The following INCENP variants were observed in gnomAD, a reference collection of about 807,000 sequenced individuals.
The protein encoded by INCENP is inner centromere protein.
Under a neutral mutation model 107.3 loss-of-function variants are expected in INCENP, and 43 were observed. That is an observed-to-expected ratio of 0.40 (90% CI 0.31 to 0.52). The LOEUF is 0.52. INCENP is among the 20% of genes least tolerant of loss of function. The pLI, the probability that INCENP is intolerant of heterozygous loss-of-function variation, is 0.53. For missense variants in INCENP, 1,089 were observed against 1,250.9 expected (o/e 0.87, Z 1.95); for synonymous variants, 488 against 494.4 (o/e 0.99, Z 0.17).
intron 1 of INCENP, 36 bp from the exon 2 acceptor site, chr11:62,128,115 C>A (rs1391785174): frequency 6.2e-7 from 1 of 1,611,088 alleles, no homozygotes; most frequent in Non-Finnish European, 8.5e-7. Flanking sequence ...CTACCCTGGG[C>A]CCCTAACTTG....
intron 4 of INCENP, among the ~76,000 whole-genome samples, chr11:62,132,069 G>A (rs1943905632): frequency 6.6e-6 from 1 of 152,206 alleles, no homozygotes; most frequent in South Asian, 2.1e-4. Context: ...GATTACAAGT[G>A]TGAGCTACTG....
At chr11:62,149,670 C>A (rs1305124458) in intron 17 of INCENP, among the ~76,000 whole-genome samples, 1 of 151,946 alleles carries the variant, frequency 6.6e-6, no homozygotes, top group Non-Finnish European at 1.5e-5. Context: ...GCCTGTAATC[C>A]CAGCATATTG....
rs1675126 is a variant in INCENP, at chr11:62,138,902, T to C, written c.1188T>C (p.Asn396=). The change falls in exon 7 of 19, where the codon AAT becomes AAC. Residue 396 remains asparagine, a synonymous_variant. Coordinates refer to ENST00000394818, the MANE Select transcript of INCENP (RefSeq NM_001040694.2). ...AAAEPEVPEN[N]GNNSWPHNDT... ...TCTTTCCACAGGTCCCTGAGAACAA[T>C]GGAAATAACTCGTGGCCCCACAATG... The C allele has an allele frequency of 0.89, 1,428,367 of 1,613,082 alleles. 639,712 individuals carry two copies. Among genetic ancestry groups the C allele is most frequent in the Middle Eastern group, 0.94 (5,703 of 6,062 alleles).
rs1364434655 is a variant in INCENP at position 62,152,825 on chromosome 11, T to G, written c.*849T>G. ...TATTTCCCCAGCAAAACCAGGCAGCTGCTAATTAAATGCTTAGAACCAATG... is the reference window on the plus strand; with the variant it reads ...TATTTCCCCAGCAAAACCAGGCAGCGGCTAATTAAATGCTTAGAACCAATG... On this transcript the variant is annotated 3_prime_UTR_variant, in exon 19 of 19. Coordinates refer to ENST00000394818, the MANE Select transcript of INCENP (RefSeq NM_001040694.2). 6.6e-6 allele frequency: 1 copy of G among 152,258 alleles called. No homozygotes were observed. The highest frequency in any genetic ancestry group is 1.5e-5 in the Non-Finnish European group (1 of 68,066). 9.4% of individuals were successfully genotyped at this position (152,258 alleles called of 1,614,324 possible).
chr11:62,139,060 G>A (rs1176240601), intron 7 of INCENP, 55 bp downstream of exon 7: 11 of 1,291,864 alleles, frequency 8.5e-6, no homozygotes, highest in Middle Eastern at 1.9e-4. Flanking sequence ...GGGCCTTGGC[G>A]GCCTCGGCCT....
In INCENP at chr11:62,133,920, A is replaced by G. The variant is rs529265531; in HGVS notation, c.1063+3330A>G. 2.0e-3 allele frequency among the ~76,000 whole-genome samples: 303 copies of G among 150,940 alleles called. 2 individuals carry two copies. Among genetic ancestry groups the G allele is most frequent in the African/African-American group, 6.9e-3 (283 of 41,038 alleles). ...TTTTCCTGAGACCCTGTGCACCCCA[A>G]CCTCCCGCTGGCCACCTCCCAGCCT... On this transcript the variant is annotated intron_variant, in intron 4 of 18. Transcript: ENST00000394818.
Position 62,152,049 on chromosome 11 carries a change from T to C in INCENP, c.*73T>C. On this transcript the variant is annotated 3_prime_UTR_variant, in exon 19 of 19. Transcript: ENST00000394818. ...TCTGTCTGTCTGTCGGTCTCTGTCT[T>C]GGTCTGTTGCCCTCCTTCTTGGCAT... 2.5e-6 allele frequency: 3 copies of C among 1,187,880 alleles called. No individual in the cohort carries two copies. The South Asian group carries it at 4.0e-5, about 16-fold the overall frequency. The allele number at this position is 1,187,880 out of a possible 1,614,324, so 73.6% of individuals were successfully genotyped here.
intron 11 of INCENP, chr11:62,141,757 G>C (rs1345691264): frequency 8.4e-6 from 5 of 597,316 alleles, no homozygotes; most frequent in African/African-American, 5.6e-5. Flanking sequence ...AGGGGGTGTG[G>C]CTTTTCACCA....
chr11:62,142,467 C>T (rs1565098741), intron 11 of INCENP, among the ~76,000 whole-genome samples: 1 of 152,232 alleles, frequency 6.6e-6, no homozygotes, highest in East Asian at 1.9e-4. Flanking sequence ...GTCCCCTTTC[C>T]TGCTTTGGGG....
chr11:62,151,802 C>A lies in INCENP; in HGVS notation c.2583C>A (p.His861Gln). 3 of 1,614,168 alleles carry A rather than the reference C, an allele frequency of 1.9e-6. No individual in the cohort carries two copies. Among genetic ancestry groups the A allele is most frequent in the Non-Finnish European group, 2.5e-6 (3 of 1,180,032 alleles). Residue 861 changes from histidine to glutamine, a missense_variant, in exon 19 of 19, where the codon CAC (histidine) becomes CAA (glutamine). His to Gln is a conservative substitution (Grantham distance 24). Coordinates refer to ENST00000394818, the MANE Select transcript of INCENP (RefSeq NM_001040694.2). Reference sequence around the variant, plus strand: ...AGGCTATCATTCACCAGTACTACCACCCACCGAACCTTCTGGAGCTCTTTG... The same window carrying A: ...AGGCTATCATTCACCAGTACTACCAACCACCGAACCTTCTGGAGCTCTTTG... Reference protein sequence around the residue: ...LSQAIIHQYYHPPNLLELFGT... With the variant: ...LSQAIIHQYYQPPNLLELFGT...
chr11:62,150,103 C>T lies in INCENP; in HGVS notation c.2438C>T (p.Ala813Val), dbSNP rs768669505. ...SYQMTPQGHR[A>V]PPKINPDNYG... ...CAGATGACTCCGCAAGGGCACAGGG[C>T]CCCTCCCAAGATCAACCCAGATAAC... Residue 813 changes from alanine (A) to valine (V), a missense_variant, in exon 18 of 19, where the codon GCC becomes GTC. Physicochemically the swap from Ala to Val is moderately conservative, Grantham distance 64. Transcript: ENST00000394818. The T allele has an allele frequency of 1.9e-6, 3 of 1,613,982 alleles. No individual in the cohort carries two copies. The highest frequency in any genetic ancestry group is 2.5e-6 in the Non-Finnish European group (3 of 1,179,966).
At chr11:62,140,366 G>C (rs540464199) in intron 8 of INCENP, 81 bp downstream of exon 8, 19 of 1,254,630 alleles carry the variant, frequency 1.5e-5, no homozygotes, top group Non-Finnish European at 2.0e-5. Flanking sequence ...AGGGAAGGTG[G>C]ATGTGTGCTC....
chr11:62,126,012 C>G (rs1943740651), intron 1 of INCENP, among the ~76,000 whole-genome samples: 1 of 152,164 alleles, frequency 6.6e-6, no homozygotes, highest in African/African-American at 2.4e-5. Flanking sequence ...AAATGTGAGA[C>G]AATGTTCCAG....
intron 4 of INCENP, among the ~76,000 whole-genome samples, 187 bp downstream of exon 4, chr11:62,130,777 G>A (rs570121045): frequency 6.6e-6 from 1 of 152,382 alleles, no homozygotes; most frequent in African/African-American, 2.4e-5. Context: ...TCCTCAAAAT[G>A]TGGCTAGTGT....
chr11:62,129,674 C>A, intron 3 of INCENP, 108 bp from the exon 4 acceptor site: 2 of 899,078 alleles, frequency 2.2e-6, no homozygotes, highest in Non-Finnish European at 3.3e-6. Context: ...AGATCTTTTG[C>A]CTTCACCTTC....
rs545102855 is a variant in INCENP at position 62,151,614 on chromosome 11, A to G, written c.2543-148A>G. ...GACACAAGGGCGTTCTCTGGGTTTG[A>G]TGGTGGTACAGGCAGGGGCAGGGCT... On this transcript the variant is annotated intron_variant, in intron 18 of 18. Transcript: ENST00000394818. 37 of 644,090 alleles carry G rather than the reference A, an allele frequency of 5.7e-5. No homozygotes were observed. The African/African-American group carries it at 6.2e-4, about 11-fold the overall frequency. The allele number at this position is 644,090 out of a possible 1,614,324, so 39.9% of individuals were successfully genotyped here. A position where few individuals can be genotyped will look rare whatever the true frequency, so the allele number is the denominator to read the frequency against.
At chr11:62,141,159 C>T in intron 10 of INCENP, 115 bp downstream of exon 10, 2 of 1,409,182 alleles carry the variant, frequency 1.4e-6, no homozygotes, top group Non-Finnish European at 1.9e-6. Context: ...GCAAGTGTGG[C>T]CTGGCACTGT....
rs200313762 is a variant in INCENP at position 62,145,039 on chromosome 11, C to T, written c.1663C>T (p.Arg555Cys). The T allele has an allele frequency of 4.0e-5, 65 of 1,611,894 alleles. No homozygotes were observed. The African/African-American group carries it at 6.9e-4, about 17-fold the overall frequency. The stretch of plus-strand genomic sequence containing the variant: ...GCGGAAGGAGGAGGCCGAGCAGCTG[C>T]GCAGGCAGAAGGTGGAGGAGGACAA... ...LRRKEEAEQL[R>C]RQKVEEDKRR... is the part of the protein sequence containing the mutation. Residue 555 changes from arginine to cysteine, a missense_variant, in exon 12 of 19, where the codon CGC becomes TGC. Arg to Cys is a radical substitution (Grantham distance 180). Transcript: ENST00000394818.
chr11:62,125,752 C>T (rs1313769467), intron 1 of INCENP, among the ~76,000 whole-genome samples: 1 of 152,208 alleles, frequency 6.6e-6, no homozygotes, highest in Non-Finnish European at 1.5e-5. Flanking sequence ...ATTCATTTAA[C>T]AAATAGTCCT....
Sources: allele counts gnomAD v4.1 joint callset (sites outside exome capture counted in the v4.1 genomes callset), GRCh38; gene constraint gnomAD v4.1.1; transcripts MANE v1.5; gene names NCBI Gene and HGNC (gene_info 2026-07-23, HGNC 2026-07-21).